Variants in INO80D observed in about 807,000 individuals in gnomAD.
The protein encoded by INO80D is INO80 complex subunit D.
INO80D carries 21 observed loss-of-function variants against 87.6 expected under a neutral mutation model. That is an observed-to-expected ratio of 0.24 (90% confidence interval 0.17 to 0.35). The LOEUF is 0.35. Among genes scored for constraint, INO80D ranks in the 10% least tolerant of loss-of-function variants. INO80D has a pLI of 1.00. For missense variants in INO80D, 982 were observed against 1,280.7 expected (o/e 0.77, Z 3.56); for synonymous variants, 440 against 491.0 (o/e 0.90, Z 1.37).
intron 8 of INO80D, 122 bp downstream of exon 8, chr2:206,017,558 A>G: frequency 2.7e-6 from 2 of 728,404 alleles, no homozygotes; most frequent in Non-Finnish European, 4.2e-6. Flanking sequence ...TAAGGGAATA[A>G]AAATCCTCTC....
intron 8 of INO80D, among the ~76,000 whole-genome samples, chr2:206,011,254 T>G (rs567406648): frequency 4.0e-4 from 61 of 152,306 alleles, no homozygotes; most frequent in African/African-American, 1.4e-3. Flanking sequence ...GCACCAGTGC[T>G]GATCTCAGGA....
chr2:206,007,468 A>G (rs1688056553), intron 9 of INO80D, 27 bp from the exon 10 acceptor site: 7 of 1,581,920 alleles, frequency 4.4e-6, no homozygotes, highest in African/African-American at 2.7e-5. Context: ...TGTTGGTCCC[A>G]TAACTCCCCC....
At chr2:206,020,992 G>A (rs1688448862) in intron 6 of INO80D, among the ~76,000 whole-genome samples, 1 of 151,494 alleles carries the variant, frequency 6.6e-6, no homozygotes, top group African/African-American at 2.4e-5. Flanking sequence ...GGCAACATAG[G>A]GAGATCCCCA....
At position 206,056,159 on chromosome 2, in the gene INO80D, A is replaced by G; in HGVS notation, c.964+39T>C. ...TCCACACAACCGAACACATTTTGTC[A>G]TATTATGTGTCTATGATACGATAAA... On this transcript the variant is annotated intron_variant, in intron 4 of 10. Coordinates refer to ENST00000403263, the MANE Select transcript of INO80D (RefSeq NM_017759.5). 2.0e-6 allele frequency: 3 copies of G among 1,518,256 alleles called. No homozygotes were observed. The South Asian group carries it at 4.0e-5, about 20-fold the overall frequency. 94.0% of individuals were successfully genotyped at this position (1,518,256 alleles called of 1,614,324 possible). A position where few individuals can be genotyped will look rare whatever the true frequency, so the allele number is the denominator to read the frequency against.
At chr2:206,083,450 T>A (rs994048870) in intron 1 of INO80D, among the ~76,000 whole-genome samples, 2 of 152,162 alleles carry the variant, frequency 1.3e-5, no homozygotes, top group African/African-American at 4.8e-5. Context: ...TTTAAAAAAA[T>A]GTCCATGTCA....
rs4675582 is a variant in INO80D at position 206,002,056 on chromosome 2, C to T, written c.*2312G>A. Reference sequence around the variant, plus strand: ...ACAAGTAGACAGAAAAAGTTCAAATCGACTACCCACGACTTTCCCTTCCTT... The same window carrying T: ...ACAAGTAGACAGAAAAAGTTCAAATTGACTACCCACGACTTTCCCTTCCTT... On this transcript the variant is annotated 3_prime_UTR_variant, in exon 11 of 11. Transcript: ENST00000403263. The T allele has an allele frequency of 0.25, 38,247 of 152,076 alleles. 5,512 individuals are homozygous for T. The highest frequency in any genetic ancestry group is 0.32 in the Non-Finnish European group (22,066 of 67,978). The allele number at this position is 152,076 out of a possible 1,614,324, so 9.4% of individuals were successfully genotyped here. A position where few individuals can be genotyped will look rare whatever the true frequency, so the allele number is the denominator to read the frequency against.
intron 8 of INO80D, 91 bp downstream of exon 8, chr2:206,017,589 T>G: frequency 9.4e-7 from 1 of 1,060,824 alleles, no homozygotes; most frequent in Non-Finnish European, 1.3e-6. Context: ...TTTCAGTGAT[T>G]TATATACATA....
intron 5 of INO80D, among the ~76,000 whole-genome samples, chr2:206,044,597 C>T (rs1030176727): frequency 2.0e-5 from 3 of 151,128 alleles, no homozygotes; most frequent in Non-Finnish European, 4.4e-5. Flanking sequence ...AAGTAACATG[C>T]TACAGAGATA....
Position 206,046,064 on chromosome 2 carries a change from C to T in INO80D, c.1073+440G>A, listed in dbSNP as rs187671988. Among the ~76,000 whole-genome samples the T allele has an allele frequency of 1.2e-3, 180 of 152,160 alleles. 2 individuals carry two copies. Among genetic ancestry groups the T allele is most frequent in the South Asian group, 3.1e-3 (15 of 4,822 alleles). On this transcript the variant is annotated intron_variant, in intron 5 of 10. Coordinates refer to ENST00000403263, the MANE Select transcript of INO80D (RefSeq NM_017759.5). ...AAATTTAAGAGTAGCTTTGCTCAAA[C>T]GATATAGTACATTTACAAACAATAT...
chr2:206,004,442 T>C lies in INO80D; in HGVS notation c.3010A>G (p.Thr1004Ala), dbSNP rs777956918. 2.1e-5 allele frequency: 33 copies of C among 1,605,338 alleles called. No homozygotes were observed. Among genetic ancestry groups the C allele is most frequent in the Non-Finnish European group, 2.7e-5 (32 of 1,175,986 alleles). ...GTGGCACCTGTTACTGTGAAGCCTG[T>C]AGGAGGGGCTATAGAGCTGTGGCTG... The part of the protein sequence containing the change: ...QPSHSSIAPP[T>A]GFTVTGATAT... Residue 1004 changes from threonine to alanine, a missense_variant, in exon 11 of 11, where the codon ACA (threonine) becomes GCA (alanine). Thr to Ala is a moderately conservative substitution (Grantham distance 58, BLOSUM62 0). Coordinates refer to ENST00000403263, the MANE Select transcript of INO80D (RefSeq NM_017759.5). This position sits in a 1 kb window ranked among gnomAD's most constrained non-coding sequence, Gnocchi z 4.9.
At chr2:206,051,888 G>A (rs575928538) in intron 4 of INO80D, among the ~76,000 whole-genome samples, 2 of 152,302 alleles carry the variant, frequency 1.3e-5, no homozygotes, top group East Asian at 1.9e-4. Flanking sequence ...GCAATGACAG[G>A]TAAAACTACA....
chr2:206,063,611 T>C (rs991358133), intron 1 of INO80D: 1 of 152,990 alleles, frequency 6.5e-6, no homozygotes, highest in African/African-American at 2.4e-5. Context: ...GGAGAATCAC[T>C]TGAACCCGGA....
chr2:206,024,850 G>T (rs1430877617), intron 6 of INO80D, among the ~76,000 whole-genome samples: 1 of 151,966 alleles, frequency 6.6e-6, no homozygotes, highest in East Asian at 1.9e-4. Context: ...CTGCCTCCTG[G>T]GTTCAAGCAA....
At chr2:206,078,004 G>A (rs1690165107) in intron 1 of INO80D, among the ~76,000 whole-genome samples, 1 of 135,848 alleles carries the variant, frequency 7.4e-6, no homozygotes, top group Non-Finnish European at 1.5e-5. Flanking sequence ...AGTAGGCCAG[G>A]GGCATTCTTT....
chr2:206,067,203 C>T (rs1396689710), intron 1 of INO80D, among the ~76,000 whole-genome samples: 1 of 151,022 alleles, frequency 6.6e-6, no homozygotes, highest in African/African-American at 2.4e-5. Context: ...GCCAAGATCG[C>T]ACCACTGCAC....
intron 8 of INO80D, among the ~76,000 whole-genome samples, chr2:206,015,206 A>G (rs1429102975): frequency 6.6e-6 from 1 of 152,240 alleles, no homozygotes; most frequent in African/African-American, 2.4e-5. Context: ...CCACTTTCTG[A>G]GCAGAAATTC....
At chr2:206,030,779 T>C (rs1688742937) in intron 5 of INO80D, among the ~76,000 whole-genome samples, 1 of 152,212 alleles carries the variant, frequency 6.6e-6, no homozygotes, top group Admixed American at 6.5e-5. Flanking sequence ...ACTGCTAAGC[T>C]TTGTAACTGT....
chr2:206,010,141 T>C (rs1575796557), intron 8 of INO80D, among the ~76,000 whole-genome samples: 1 of 152,134 alleles, frequency 6.6e-6, no homozygotes, highest in Non-Finnish European at 1.5e-5. Context: ...TTAAGGTTTG[T>C]ACACTGTTGG....
intron 9 of INO80D, among the ~76,000 whole-genome samples, chr2:206,009,331 T>A (rs559309331): frequency 9.2e-5 from 13 of 141,288 alleles, no homozygotes; most frequent in Non-Finnish European, 1.9e-4. Context: ...GTTTTTTAAG[T>A]TGAGAGTATA....
Sources: gnomAD v4.1 joint callset for allele counts (sites outside exome capture counted in the v4.1 genomes callset) on GRCh38, gnomAD v4.1.1 for gene constraint, Gnocchi (gnomAD v3.1) non-coding constraint, MANE v1.5 for transcripts, NCBI Gene and HGNC (gene_info 2026-07-23, HGNC 2026-07-21) for gene names.